Variants in MYO3A observed in about 807,000 individuals in gnomAD.
MYO3A encodes myosin IIIA, also known as myosin-IIIa.
A neutral mutation model predicts 192.7 loss-of-function variants in MYO3A; 180 were observed. The observed-to-expected ratio is 0.93, with a 90% CI of 0.83 to 1.06. The LOEUF is 1.06. Ranked by LOEUF, MYO3A falls within the 50% of genes least tolerant of loss-of-function variation. MYO3A has a pLI of 0.00. For missense variants in MYO3A, 1,896 were observed against 1,905.0 expected (o/e 1.00, Z 0.09); for synonymous variants, 628 against 645.3 (o/e 0.97, Z 0.41).
Position 26,174,185 on chromosome 10 carries a change from A to G in MYO3A, c.3921A>G (p.Thr1307=). The G allele has an allele frequency of 6.2e-7, 1 of 1,614,244 alleles. No individual in the cohort carries two copies. The highest frequency in any genetic ancestry group is 2.2e-5 in the East Asian group (1 of 44,888). Residue 1307 remains threonine (T), a synonymous_variant, in exon 30 of 35, where the codon ACA becomes ACG. Coordinates refer to ENST00000642920, the MANE Select transcript of MYO3A (RefSeq NM_017433.5). ...NANSMEKEKK[T]SVVTQRAPIC... ...ACAGCATGGAAAAAGAAAAGAAGAC[A>G]TCTGTAGTTACCCAGCGTGCACCGA... is the stretch of plus-strand genomic sequence containing the variant.
In MYO3A at chr10:26,203,025, G is replaced by A. The variant is rs1207428324; in HGVS notation, c.4648G>A (p.Gly1550Arg). 2 of 1,613,562 alleles carry A rather than the reference G, an allele frequency of 1.2e-6. No homozygotes were observed. Among genetic ancestry groups the A allele is most frequent in the African/African-American group, 1.3e-5 (1 of 74,868 alleles). ...YYKEFLPSRS[G>R]PKEHSPSLRE... Reference sequence around the variant, plus strand: ...TAAGGAATTTTTGCCCAGTCGTTCTGGACCAAAGGAACATAGCCCTAGTTT... The same window carrying A: ...TAAGGAATTTTTGCCCAGTCGTTCTAGACCAAAGGAACATAGCCCTAGTTT... Residue 1550 changes from glycine to arginine, a missense_variant, in exon 34 of 35, where the codon GGA (glycine) becomes AGA (arginine). Physicochemically the swap from Gly to Arg is moderately radical, Grantham distance 125 (BLOSUM62 -2). Coordinates refer to ENST00000642920, the MANE Select transcript of MYO3A (RefSeq NM_017433.5).
At chr10:26,131,266 C>T (rs943044076) in intron 20 of MYO3A, among the ~76,000 whole-genome samples, 2 of 152,152 alleles carry the variant, frequency 1.3e-5, no homozygotes, top group African/African-American at 2.4e-5. Context: ...TCCAGCAAAG[C>T]TGTTTACAAT....
chr10:25,959,220 G>GT (rs1270440022), intron 4 of MYO3A, among the ~76,000 whole-genome samples: 1 of 151,926 alleles, frequency 6.6e-6, no homozygotes, highest in Non-Finnish European at 1.5e-5. Context: ...AGGAGTGTAT[G>GT]TTTTTTGTAT....
intron 15 of MYO3A, among the ~76,000 whole-genome samples, chr10:26,095,414 C>T (rs117221053): frequency 1.3e-5 from 2 of 151,996 alleles, no homozygotes; most frequent in Non-Finnish European, 2.9e-5. Context: ...AGTGGGAGGA[C>T]GAGAAGGGGA....
chr10:26,179,133 T>C (rs960667651), intron 31 of MYO3A, among the ~76,000 whole-genome samples: 1 of 116,456 alleles, frequency 8.6e-6, no homozygotes, highest in African/African-American at 3.4e-5. Context: ...AGTTTCACTC[T>C]TGTTGTCCAG....
intron 23 of MYO3A, among the ~76,000 whole-genome samples, chr10:26,150,493 A>G (rs1046256930): frequency 6.6e-6 from 1 of 152,208 alleles, no homozygotes; most frequent in African/African-American, 2.4e-5. Flanking sequence ...TACAAATTCA[A>G]TTTGTTTAGT....
At chr10:26,134,136 T>A (rs533030070) in intron 20 of MYO3A, among the ~76,000 whole-genome samples, 15 of 152,172 alleles carry the variant, frequency 9.9e-5, no homozygotes, top group East Asian at 3.8e-4. Flanking sequence ...GTATATATAT[T>A]TTTTTCTGAA....
At chr10:26,158,581 T>C (rs1212698585) in intron 26 of MYO3A, among the ~76,000 whole-genome samples, 1 of 152,078 alleles carries the variant, frequency 6.6e-6, no homozygotes, top group Non-Finnish European at 1.5e-5. Flanking sequence ...TATTTGAGAT[T>C]AACATAAAAT....
At chr10:26,086,015 A>T (rs969733896) in intron 14 of MYO3A, among the ~76,000 whole-genome samples, 1 of 151,934 alleles carries the variant, frequency 6.6e-6, no homozygotes, top group African/African-American at 2.4e-5. Flanking sequence ...GTTTAAATGT[A>T]CTTGTTTACT....
In MYO3A at chr10:26,201,264, G is replaced by A. The variant is rs750904158; in HGVS notation, c.4546-1G>A. On this transcript the variant is annotated splice_acceptor_variant, in intron 32 of 34. Transcript: ENST00000642920. LOFTEE classifies it high-confidence loss of function. Reference sequence around the variant, plus strand: ...ATCTTTTGAATTCTTCTTTCCTTTAGAAGTCAATCCAAGAAGAAAAACGAA... The same window carrying A: ...ATCTTTTGAATTCTTCTTTCCTTTAAAAGTCAATCCAAGAAGAAAAACGAA... 1.9e-6 allele frequency: 3 copies of A among 1,553,642 alleles called. No homozygotes were observed. In the South Asian group the frequency reaches 3.5e-5, roughly 18 times the overall value.
In MYO3A at chr10:26,147,516, C is replaced by T; in HGVS notation, c.2592C>T (p.Asn864=). ...DIVLLLRSSD[N]SVIRQLVNHP... ...TGCTACTTTTGAGGTCATCCGACAA[C>T]AGTGTAATTAGGCAACTAGTCAACC... Residue 864 remains asparagine (N), a synonymous_variant, in exon 23 of 35, where the codon AAC becomes AAT. Transcript: ENST00000642920. 6.2e-7 allele frequency: 1 copy of T among 1,613,950 alleles called. No individual in the cohort carries two copies. Among genetic ancestry groups the T allele is most frequent in the Non-Finnish European group, 8.5e-7 (1 of 1,179,882 alleles).
chr10:26,075,000 CT>C (rs1215801718), intron 14 of MYO3A, among the ~76,000 whole-genome samples: 1 of 151,906 alleles, frequency 6.6e-6, no homozygotes, highest in Non-Finnish European at 1.5e-5. Flanking sequence ...AAAAACTATC[CT>C]TTCTTTATGA....
At position 26,185,622 on chromosome 10, in the gene MYO3A, G is replaced by A. The variant is rs768012747; in HGVS notation, c.4439-7583G>A. 3.9e-5 allele frequency among the ~76,000 whole-genome samples: 6 copies of A among 152,114 alleles called. No homozygotes were observed. The East Asian group carries it at 1.2e-3, about 29-fold the overall frequency. Reference sequence around the variant, plus strand: ...CCCAAAGTGCTGGAATTACAGGTGTGAGCCACCGCACACAGCCCATTCCAG... The same window carrying A: ...CCCAAAGTGCTGGAATTACAGGTGTAAGCCACCGCACACAGCCCATTCCAG... On this transcript the variant is annotated intron_variant, in intron 31 of 34. Transcript: ENST00000642920.
At chr10:26,041,639 A>G (rs531860240) in intron 10 of MYO3A, among the ~76,000 whole-genome samples, 4 of 152,016 alleles carry the variant, frequency 2.6e-5, no homozygotes, top group Admixed American at 6.6e-5. Context: ...ATACTATCTT[A>G]TAACCCATTA....
intron 14 of MYO3A, among the ~76,000 whole-genome samples, chr10:26,077,265 G>A (rs534911779): frequency 1.1e-3 from 41 of 37,708 alleles, no homozygotes; most frequent in African/African-American, 3.5e-3. Flanking sequence ...TGCAGCTGTT[G>A]TAAAAGGGGT....
rs1264669872 is a variant in MYO3A at position 26,174,276 on chromosome 10, C to T, written c.4012C>T (p.Pro1338Ser). 1.2e-6 allele frequency: 2 copies of T among 1,613,932 alleles called. No homozygotes were observed. Among genetic ancestry groups the T allele is most frequent in the Middle Eastern group, 1.7e-4 (1 of 6,060 alleles). ...HETVKERQVEPVTQAQEEEDK... is the reference protein window; with the variant it reads ...HETVKERQVESVTQAQEEEDK... ...GACAGTCAAAGAGAGGCAAGTTGAA[C>T]CAGTGACACAGGCCCAGGAGGAAGA... is the stretch of plus-strand genomic sequence containing the variant. The change falls in exon 30 of 35, where the codon CCA (proline) becomes TCA (serine). Residue 1338 changes from proline (P) to serine (S), a missense_variant. Transcript: ENST00000642920.
At chr10:25,943,443 A>G (rs1264665975) in intron 2 of MYO3A, among the ~76,000 whole-genome samples, 2 of 152,112 alleles carry the variant, frequency 1.3e-5, no homozygotes, top group Non-Finnish European at 2.9e-5. Context: ...TAACAATTGC[A>G]TTGAATTTAT....
intron 6 of MYO3A, among the ~76,000 whole-genome samples, chr10:26,003,767 A>T (rs1054331294): frequency 3.9e-5 from 6 of 152,186 alleles, no homozygotes; most frequent in Non-Finnish European, 7.3e-5. Flanking sequence ...TCTCTGGGGA[A>T]CTTCATTTCT....
At chr10:26,001,040 C>G (rs573247065) in intron 6 of MYO3A, among the ~76,000 whole-genome samples, 1 of 152,268 alleles carries the variant, frequency 6.6e-6, no homozygotes, top group East Asian at 1.9e-4. Context: ...ATCACGAGAA[C>G]AGCAAGGGGA....
Sources: gnomAD v4.1 joint callset for allele counts (sites outside exome capture counted in the v4.1 genomes callset) on GRCh38, gnomAD v4.1.1 for gene constraint, MANE v1.5 for transcripts, NCBI Gene and HGNC (gene_info 2026-07-23, HGNC 2026-07-21) for gene names.